PRR14L: variants seen among roughly 807,000 people sequenced by gnomAD.
PRR14L encodes the protein proline rich 14 like, also known as protein PRR14L.
Under a neutral mutation model 155.0 loss-of-function variants are expected in PRR14L, and 80 were observed. The ratio of observed to expected loss-of-function variants is 0.52; its 90% confidence interval spans 0.43 to 0.62. The LOEUF (loss-of-function observed/expected upper bound fraction) is 0.62. Ranked by LOEUF, PRR14L falls within the 20% of genes least tolerant of loss-of-function variation. The pLI, the probability that PRR14L is intolerant of heterozygous loss-of-function variation, is 0.00. For missense variants in PRR14L, 2,469 were observed against 2,548.0 expected, an observed-to-expected ratio of 0.97 and a Z score of 0.67; for synonymous variants, 883 against 916.0, an observed-to-expected ratio of 0.96 and a Z score of 0.65.
chr22:31,723,944 G>A (rs2074703817), intron 3 of PRR14L, among the ~76,000 whole-genome samples: 1 of 152,248 alleles, frequency 6.6e-6, no homozygotes, highest in Non-Finnish European at 1.5e-5. Context: ...AAGCAGGCAA[G>A]TGAGCAAAGC....
chr22:31,733,487 TAG>T (rs1442429082), intron 2 of PRR14L, among the ~76,000 whole-genome samples: 2 of 151,048 alleles, frequency 1.3e-5, no homozygotes, highest in East Asian at 3.9e-4. Flanking sequence ...GTATTTTTAG[TAG>T]AGACAGGCTT....
chr22:31,712,134 GAA>G lies in PRR14L; in HGVS notation c.5703_5704del (p.Leu1903SerfsTer33). 1 of 1,614,096 alleles carries G rather than the reference GAA, an allele frequency of 6.2e-7. No individual in the cohort carries two copies. The highest frequency in any genetic ancestry group is 8.5e-7 in the Non-Finnish European group (1 of 1,180,002). On this transcript the variant is annotated frameshift_variant, in exon 4 of 9. Coordinates refer to ENST00000327423, the MANE Select transcript of PRR14L (RefSeq NM_173566.3). LOFTEE classifies it high-confidence loss of function. ...CCGCTTGCAGTGAGGGGAATGAAGA[GAA>G]GAGATTTCGAAGGAGCAGACAGAAG...
At chr22:31,699,495 T>C (rs2074552510) in intron 7 of PRR14L, among the ~76,000 whole-genome samples, 1 of 152,198 alleles carries the variant, frequency 6.6e-6, no homozygotes. Flanking sequence ...ATTGGAGCAT[T>C]TGGGATTTTC....
At chr22:31,691,104 C>T (rs566734843) in intron 7 of PRR14L, among the ~76,000 whole-genome samples, 1 of 151,914 alleles carries the variant, frequency 6.6e-6, no homozygotes, top group South Asian at 2.1e-4. Flanking sequence ...GCTGGGATTA[C>T]AGGCGCCTAC....
Position 31,738,355 on chromosome 22 carries a change from C to T in PRR14L, c.474+32G>A, listed in dbSNP as rs753877447. On this transcript the variant is annotated intron_variant, in intron 2 of 8. Transcript: ENST00000327423. Reference sequence around the variant, plus strand: ...TCCAGAGAAAGCTGTCATTCACACTCAACTCTTCGGAATGGAGATTTCATT... The same window carrying T: ...TCCAGAGAAAGCTGTCATTCACACTTAACTCTTCGGAATGGAGATTTCATT... 13 of 1,516,042 alleles carry T rather than the reference C, an allele frequency of 8.6e-6. No individual in the cohort carries two copies. In the East Asian group the frequency reaches 3.2e-4, roughly 37 times the overall value. 93.9% of individuals were successfully genotyped at this position (1,516,042 alleles called of 1,614,324 possible). A position where few individuals can be genotyped will look rare whatever the true frequency, so the allele number is the denominator to read the frequency against.
intron 3 of PRR14L, among the ~76,000 whole-genome samples, chr22:31,724,936 G>A (rs1185589019): frequency 1.3e-5 from 2 of 152,172 alleles, no homozygotes; most frequent in African/African-American, 4.8e-5. Context: ...GTGACCTGGA[G>A]TAAACATTTT....
At chr22:31,730,299 A>G (rs1183242802) in intron 2 of PRR14L, among the ~76,000 whole-genome samples, 2 of 152,130 alleles carry the variant, frequency 1.3e-5, no homozygotes, top group Non-Finnish European at 2.9e-5. Flanking sequence ...TTAGCTGGCC[A>G]TGGTGGCACG....
chr22:31,739,665 T>A (rs1052160907), intron 1 of PRR14L, among the ~76,000 whole-genome samples: 1 of 152,194 alleles, frequency 6.6e-6, no homozygotes, highest in Non-Finnish European at 1.5e-5. Context: ...AGGTTAAATA[T>A]GACCTGCCTA....
rs1315147316 is a variant in PRR14L at position 31,716,940 on chromosome 22, C to T, written c.899G>A (p.Cys300Tyr). The T allele has an allele frequency of 6.4e-6, 10 of 1,552,018 alleles. No homozygotes were observed. Among genetic ancestry groups the T allele is most frequent in the South Asian group, 2.4e-5 (2 of 84,054 alleles). ...SNVDNGKEEL[C>Y]KPNLVCEADD... is the part of the protein sequence containing the mutation. The stretch of plus-strand genomic sequence containing the variant: ...TGCTTCACAGACCAGGTTTGGTTTA[C>T]ACAACTCTTCCTTCCCATTGTCCAC... Residue 300 changes from cysteine to tyrosine, a missense_variant, in exon 4 of 9, where the codon TGT becomes TAT. By Grantham distance (194) the Cys-to-Tyr change is radical (BLOSUM62 -2). Transcript: ENST00000327423.
At chr22:31,729,390 T>C (rs2074735743) in intron 2 of PRR14L, among the ~76,000 whole-genome samples, 1 of 152,078 alleles carries the variant, frequency 6.6e-6, no homozygotes, top group Admixed American at 6.6e-5. Flanking sequence ...TTTTTGTGTG[T>C]GTATTTTTAG....
intron 3 of PRR14L, among the ~76,000 whole-genome samples, chr22:31,724,841 A>T (rs1458758534): frequency 6.6e-6 from 1 of 152,180 alleles, no homozygotes; most frequent in African/African-American, 2.4e-5. Context: ...CAACCAACCT[A>T]AAAGTAATAA....
intron 7 of PRR14L, among the ~76,000 whole-genome samples, chr22:31,697,715 A>C (rs1222399887): frequency 6.6e-6 from 1 of 152,006 alleles, no homozygotes; most frequent in Non-Finnish European, 1.5e-5. Flanking sequence ...GAAATACAAA[A>C]ATTAGCTGGG....
chr22:31,695,265 A>G (rs1284958699), intron 7 of PRR14L, among the ~76,000 whole-genome samples: 2 of 152,346 alleles, frequency 1.3e-5, no homozygotes, highest in Admixed American at 1.3e-4. Flanking sequence ...TGATAACGGA[A>G]TCCTAGGCCC....
intron 3 of PRR14L, among the ~76,000 whole-genome samples, chr22:31,719,035 C>T (rs1419682801): frequency 6.6e-6 from 1 of 151,922 alleles, no homozygotes; most frequent in Admixed American, 6.6e-5. Flanking sequence ...GATCATGCCA[C>T]TACACTCTAG....
At chr22:31,723,032 C>T (rs2074699349) in intron 3 of PRR14L, among the ~76,000 whole-genome samples, 1 of 152,124 alleles carries the variant, frequency 6.6e-6, no homozygotes, top group South Asian at 2.1e-4. Flanking sequence ...TCTTCTCTGG[C>T]TTGCTATGAC....
chr22:31,718,840 G>A (rs766855980), intron 3 of PRR14L, among the ~76,000 whole-genome samples: 4 of 126,220 alleles, frequency 3.2e-5, no homozygotes, highest in East Asian at 2.0e-4. Flanking sequence ...TTGGGAGGCC[G>A]AGGTGGATGG....
Position 31,703,249 on chromosome 22 carries a change from T to C in PRR14L, c.6000+301A>G, listed in dbSNP as rs959051242. Among the ~76,000 whole-genome samples, 9 of 152,334 alleles carry C rather than the reference T, an allele frequency of 5.9e-5. 1 individual carries two copies. Among genetic ancestry groups the C allele is most frequent in the African/African-American group, 2.2e-4 (9 of 41,566 alleles). On this transcript the variant is annotated intron_variant, in intron 6 of 8. Coordinates refer to ENST00000327423, the MANE Select transcript of PRR14L (RefSeq NM_173566.3). ...ACAGACGTTGCAAAATTGAACATCA[T>C]CACCATCCACTCATCTTCTTTGAAT...
At position 31,684,541 on chromosome 22, in the gene PRR14L, C is replaced by T. The variant is rs1331370556; in HGVS notation, c.*986G>A. ...TGATCGGGAGAGAAACCTGCTCTTA[C>T]TTAAATCACTAAAATAAATACATGT... is the stretch of plus-strand genomic sequence containing the variant. On this transcript the variant is annotated 3_prime_UTR_variant, in exon 9 of 9. Coordinates refer to ENST00000327423, the MANE Select transcript of PRR14L (RefSeq NM_173566.3). The T allele has an allele frequency of 6.6e-6, 1 of 152,142 alleles. No individual in the cohort carries two copies. Among genetic ancestry groups the T allele is most frequent in the Non-Finnish European group, 1.5e-5 (1 of 68,036 alleles). 9.4% of individuals were successfully genotyped at this position (152,142 alleles called of 1,614,324 possible).
In PRR14L at chr22:31,715,981, T is replaced by C; in HGVS notation, c.1858A>G (p.Ile620Val). 1 of 1,551,554 alleles carries C rather than the reference T, an allele frequency of 6.4e-7. No individual in the cohort carries two copies. The highest frequency in any genetic ancestry group is 8.7e-7 in the Non-Finnish European group (1 of 1,146,974). The stretch of plus-strand genomic sequence containing the variant: ...ATGCTCTGTTCATCTAAAAGTGGAA[T>C]ATCATCATGTGAGGTCTGTATAACT... ...EKVIQTSHDD[I>V]PLLDEQSIAC... The change falls in exon 4 of 9, where the codon ATT becomes GTT. Residue 620 changes from isoleucine to valine, a missense_variant. Physicochemically the swap from Ile to Val is conservative, Grantham distance 29. This residue lies in a region of PRR14L where 2,363 missense variants were observed against 2,371.6 expected (regional missense o/e 1.00). Transcript: ENST00000327423.
Sources: gnomAD v4.1 joint callset for allele counts (sites outside exome capture counted in the v4.1 genomes callset) on GRCh38, gnomAD v4.1.1 for gene constraint, gnomAD v4.1.1 regional missense constraint, MANE v1.5 for transcripts, NCBI Gene and HGNC (gene_info 2026-07-23, HGNC 2026-07-21) for gene names.